Variants in NFIA observed in about 807,000 individuals in gnomAD.
NFIA encodes the protein nuclear factor 1 A-type.
In NFIA, 8 loss-of-function variants were observed where a neutral mutation model predicts 62.8. That is an observed-to-expected ratio of 0.13 (90% CI 0.07 to 0.23). The LOEUF is 0.23. Among genes scored for constraint, NFIA ranks in the 10% least tolerant of loss-of-function variants. The pLI, the probability that NFIA is intolerant of heterozygous loss-of-function variation, is 1.00. For missense variants in NFIA, 410 were observed against 642.1 expected (o/e 0.64, Z 3.91); for synonymous variants, 235 against 238.1 (o/e 0.99, Z 0.12).
rs943186117 is a variant in NFIA, at chr1:61,458,206, AAAAAG to A, written c.*2891_*2895del. 4.9e-5 allele frequency: 7 copies of A among 141,932 alleles called. No individual in the cohort carries two copies. The highest frequency in any genetic ancestry group is 1.5e-4 in the African/African-American group (5 of 33,460). The allele number at this position is 141,932 out of a possible 1,614,324, so 8.8% of individuals were successfully genotyped here. ...TGCACTAAAAAATGAAAAAAAGGAA[AAAAAG>A]AAAAAAAAAAAGAAAAAATAGCAGC... is the stretch of plus-strand genomic sequence containing the variant. On this transcript the variant is annotated 3_prime_UTR_variant, in exon 11 of 11. Coordinates refer to ENST00000403491, the MANE Select transcript of NFIA (RefSeq NM_001134673.4).
intron 7 of NFIA, 41 bp from the exon 8 acceptor site, chr1:61,404,063 G>A (rs1321458056): frequency 4.4e-6 from 7 of 1,606,002 alleles, no homozygotes; most frequent in Non-Finnish European, 1.7e-6. Context: ...TGACAAAGCA[G>A]GTCTTTCTTT....
chr1:61,325,231 G>A (rs917374855), intron 3 of NFIA, among the ~76,000 whole-genome samples: 1 of 152,096 alleles, frequency 6.6e-6, no homozygotes, highest in African/African-American at 2.4e-5. Context: ...TCTGAATTTG[G>A]AATCGCTTAA....
intron 3 of NFIA, among the ~76,000 whole-genome samples, chr1:61,307,710 G>A (rs1366440647): frequency 6.6e-6 from 1 of 152,174 alleles, no homozygotes; most frequent in African/African-American, 2.4e-5. Context: ...CAAGGAGGTT[G>A]GCAATTGAGT....
At chr1:61,131,949 C>G (rs1183746300) in intron 2 of NFIA, among the ~76,000 whole-genome samples, 1 of 152,164 alleles carries the variant, frequency 6.6e-6, no homozygotes, top group Non-Finnish European at 1.5e-5. Context: ...CAGAAAACCT[C>G]TACAGCTGAT....
At chr1:61,437,734 A>C (rs1049106335) in intron 10 of NFIA, among the ~76,000 whole-genome samples, 1 of 152,192 alleles carries the variant, frequency 6.6e-6, no homozygotes, top group Non-Finnish European at 1.5e-5. Context: ...GCCAGAGGAG[A>C]AGACACATGA....
intron 2 of NFIA, among the ~76,000 whole-genome samples, chr1:61,109,295 G>A (rs1462381620): frequency 4.6e-5 from 7 of 151,792 alleles, no homozygotes; most frequent in Non-Finnish European, 8.8e-5. Flanking sequence ...ATTAATGTAC[G>A]AGAAGTCCTT....
chr1:61,353,262 C>G (rs1237083501), intron 5 of NFIA, among the ~76,000 whole-genome samples: 1 of 152,096 alleles, frequency 6.6e-6, no homozygotes, highest in African/African-American at 2.4e-5. Flanking sequence ...GGGGCCAGAC[C>G]ACAGACCCCA....
chr1:61,401,997 A>T (rs544379295), intron 7 of NFIA, among the ~76,000 whole-genome samples: 2 of 146,368 alleles, frequency 1.4e-5, no homozygotes, highest in South Asian at 4.4e-4. Flanking sequence ...AAGATTTATC[A>T]TTCATTGCAG....
chr1:61,292,950 G>A (rs1658981616), intron 3 of NFIA, among the ~76,000 whole-genome samples: 1 of 152,112 alleles, frequency 6.6e-6, no homozygotes, highest in Non-Finnish European at 1.5e-5. Context: ...TCCATGTCCT[G>A]TGCCCGTATG....
chr1:61,406,543 GCCCCCC>G lies in NFIA; in HGVS notation c.1255-10_1255-5del. On this transcript the variant is annotated splice_polypyrimidine_tract_variant and intron_variant, in intron 8 of 10. Transcript: ENST00000403491. ...TCTTTTTCTTGTACGTGTGTTTTCT[GCCCCCC>G]CCCCCCCCACAGCCCAATGGGAGCA... 40 of 876,454 alleles carry G rather than the reference GCCCCCC, an allele frequency of 4.6e-5. No individual in the cohort carries two copies. The highest frequency in any genetic ancestry group is 5.7e-5 in the Non-Finnish European group (37 of 653,570). The allele number at this position is 876,454 out of a possible 1,614,324, so 54.3% of individuals were successfully genotyped here.
chr1:61,227,576 A>G (rs1654412941), intron 2 of NFIA, among the ~76,000 whole-genome samples: 1 of 152,200 alleles, frequency 6.6e-6, no homozygotes, highest in South Asian at 2.1e-4. Flanking sequence ...GATAAGTTTA[A>G]TTCTTAACCT....
At chr1:61,252,528 T>C (rs1056573480) in intron 2 of NFIA, among the ~76,000 whole-genome samples, 13 of 152,240 alleles carry the variant, frequency 8.5e-5, no homozygotes, top group Non-Finnish European at 1.5e-5. Context: ...GTCAGTGAGA[T>C]AACTACAGAA....
At chr1:61,310,895 G>C (rs1660071912) in intron 3 of NFIA, among the ~76,000 whole-genome samples, 1 of 151,950 alleles carries the variant, frequency 6.6e-6, no homozygotes, top group African/African-American at 2.4e-5. Flanking sequence ...CACCTGGGTG[G>C]TGAGCCCACT....
chr1:61,203,995 T>C (rs1255083692), intron 2 of NFIA, among the ~76,000 whole-genome samples: 1 of 152,176 alleles, frequency 6.6e-6, no homozygotes, highest in Admixed American at 6.5e-5. Flanking sequence ...TGAATACTCA[T>C]TTTTGACCAA....
chr1:61,392,375 G>A (rs966207937), intron 7 of NFIA, among the ~76,000 whole-genome samples: 2 of 152,124 alleles, frequency 1.3e-5, no homozygotes, highest in African/African-American at 4.8e-5. Context: ...CAGGAAGCGT[G>A]TAATTAAAAC....
chr1:61,143,544 C>G (rs1557595390), intron 2 of NFIA, among the ~76,000 whole-genome samples: 1 of 152,066 alleles, frequency 6.6e-6, no homozygotes, highest in Admixed American at 6.6e-5. Flanking sequence ...TGTCTGCCAC[C>G]ACACCTGGTT....
chr1:61,412,508 ATG>A (rs1666151325), intron 9 of NFIA, among the ~76,000 whole-genome samples: 1 of 152,156 alleles, frequency 6.6e-6, no homozygotes, highest in Admixed American at 6.5e-5. Context: ...AGAATTGGTG[ATG>A]ATGCCTGTGT....
chr1:61,090,178 A>C (rs541914572), intron 2 of NFIA, among the ~76,000 whole-genome samples: 48 of 152,314 alleles, frequency 3.2e-4, no homozygotes, highest in Non-Finnish European at 6.5e-4. Flanking sequence ...GTAAAGTTAA[A>C]ATTTTTAAAA....
intron 2 of NFIA, among the ~76,000 whole-genome samples, chr1:61,160,916 ATGTTT>A (rs941652790): frequency 1.4e-4 from 22 of 152,244 alleles, no homozygotes; most frequent in African/African-American, 4.6e-4. Context: ...AGTAAAATAC[ATGTTT>A]TGTTTTGTTT....
Sources: gnomAD v4.1 joint callset for allele counts (sites outside exome capture counted in the v4.1 genomes callset) on GRCh38, gnomAD v4.1.1 for gene constraint, MANE v1.5 for transcripts, NCBI Gene and HGNC (gene_info 2026-07-23, HGNC 2026-07-21) for gene names.